TBC1D7: variants seen among roughly 807,000 people sequenced by gnomAD.
TBC1D7 encodes the protein TBC1 domain family member 7, also known as TBC domain family 7.
A neutral mutation model predicts 35.3 loss-of-function variants in TBC1D7; 33 were observed. The observed-to-expected ratio is 0.93, with a 90% CI of 0.71 to 1.25. TBC1D7 has a LOEUF of 1.25. TBC1D7 is among the 50% of genes most tolerant of loss of function. The pLI is 0.00. For synonymous variants in TBC1D7, 135 were observed against 129.5 expected (o/e 1.04, Z -0.29); for missense variants, 362 against 365.3 (o/e 0.99, Z 0.07).
chr6:13,312,416 G>A (rs957045856), intron 5 of TBC1D7, among the ~76,000 whole-genome samples: 2 of 152,152 alleles, frequency 1.3e-5, no homozygotes, highest in South Asian at 2.1e-4. Flanking sequence ...GCCAGGCGTG[G>A]TGGCTCACAC....
intron 3 of TBC1D7, among the ~76,000 whole-genome samples, chr6:13,321,708 C>G (rs1415363771): frequency 6.6e-6 from 1 of 152,188 alleles, no homozygotes; most frequent in African/African-American, 2.4e-5. Flanking sequence ...GGAAAGACCA[C>G]TAGACAGACC....
At position 13,325,043 on chromosome 6, in the gene TBC1D7, C is replaced by T. The variant is rs1218006252; in HGVS notation, c.193+51G>A. On this transcript the variant is annotated intron_variant, in intron 3 of 7. Transcript: ENST00000379300. ...CTGACTGATAAGATAGCAAATGATC[C>T]CTTCATTCAATATTTTTTAAGATAA... 3 of 1,337,108 alleles carry T rather than the reference C, an allele frequency of 2.2e-6. No homozygotes were observed. The Admixed American group carries it at 5.8e-5, about 26-fold the overall frequency. The allele number at this position is 1,337,108 out of a possible 1,614,324, so 82.8% of individuals were successfully genotyped here. A position where few individuals can be genotyped will look rare whatever the true frequency, so the allele number is the denominator to read the frequency against.
intron 5 of TBC1D7, among the ~76,000 whole-genome samples, chr6:13,309,083 T>C (rs113061686): frequency 0.019 from 2,961 of 152,342 alleles, 97 homozygotes; most frequent in African/African-American, 0.067. Flanking sequence ...TTCTTCCTGT[T>C]TATCCAACCT....
intron 4 of TBC1D7, 58 bp downstream of exon 4, chr6:13,320,850 C>A (rs1562169928): frequency 1.3e-6 from 2 of 1,554,606 alleles, no homozygotes; most frequent in African/African-American, 1.4e-5. Flanking sequence ...TAATCAAAGG[C>A]CGGCAAGATG....
intron 2 of TBC1D7, 27 bp from the exon 3 acceptor site, chr6:13,325,201 G>C: frequency 6.5e-7 from 1 of 1,537,950 alleles, no homozygotes; most frequent in South Asian, 1.1e-5. Context: ...ACAATTGTTA[G>C]AAGCTTTTCA....
rs374292563 is a variant in TBC1D7 at position 13,316,055 on chromosome 6, G to A, written c.519+516C>T. On this transcript the variant is annotated intron_variant, in intron 5 of 7. Transcript: ENST00000379300. ...GGTCCAAGAGCAACCTTGTGAGCAC[G>A]AGAGGAAAGATCATTCCTATGAATA... Among the ~76,000 whole-genome samples the A allele has an allele frequency of 5.9e-5, 9 of 152,350 alleles. No individual in the cohort carries two copies. The East Asian group carries it at 1.3e-3, about 23-fold the overall frequency.
chr6:13,312,513 T>C (rs1232881687), intron 5 of TBC1D7, among the ~76,000 whole-genome samples: 1 of 151,498 alleles, frequency 6.6e-6, no homozygotes, highest in Non-Finnish European at 1.5e-5. Context: ...AATGGCGAAA[T>C]CCCGTCTCTA....
At chr6:13,313,254 A>G (rs186556070) in intron 5 of TBC1D7, among the ~76,000 whole-genome samples, 74 of 152,334 alleles carry the variant, frequency 4.9e-4, no homozygotes, top group African/African-American at 1.7e-3. Context: ...AAAAAAAGTC[A>G]ACAAAACAAT....
Position 13,320,912 on chromosome 6 carries a change from G to A in TBC1D7, c.377C>T (p.Pro126Leu). 6.2e-7 allele frequency: 1 copy of A among 1,613,990 alleles called. No individual in the cohort carries two copies. Among genetic ancestry groups the A allele is most frequent in the South Asian group, 1.1e-5 (1 of 91,080 alleles). The stretch of plus-strand genomic sequence containing the variant: ...CAGACAAAAGTGACCACTAACCAGT[G>A]GAAAAGAGGGACTTCGAGGTAACTT... ...SGKLPRSPSF[P>L]LEPDDEVFLA... Residue 126 changes from proline (P) to leucine (L), a missense_variant, in exon 4 of 8, where the codon CCA becomes CTA. Transcript: ENST00000379300.
intron 2 of TBC1D7, among the ~76,000 whole-genome samples, chr6:13,325,480 T>C (rs1784343142): frequency 6.6e-6 from 1 of 152,118 alleles, no homozygotes; most frequent in Admixed American, 6.5e-5. Context: ...CTGGCCAACA[T>C]GGCAAAACAC....
chr6:13,316,640 G>A lies in TBC1D7; in HGVS notation c.450C>T (p.Asp150=). 6.2e-7 allele frequency: 1 copy of A among 1,613,908 alleles called. No homozygotes were observed. Reference sequence around the variant, plus strand: ...CAAAGCGTCGGGTGATCCAGTAACAGTCGACACTATCTTCCACCATTTCCT... The same window carrying A: ...CAAAGCGTCGGGTGATCCAGTAACAATCGACACTATCTTCCACCATTTCCT... ...AMEEMVEDSV[D]CYWITRRFVN... Residue 150 remains aspartate (D), a synonymous_variant, in exon 5 of 8, where the codon GAC becomes GAT. Transcript: ENST00000379300.
Position 13,316,704 on chromosome 6 carries a change from G to A in TBC1D7, c.386C>T (p.Pro129Leu), listed in dbSNP as rs1314030821. The change falls in exon 5 of 8, where the codon CCA (proline) becomes CTA (leucine). Residue 129 changes from proline to leucine, a missense_variant. Coordinates refer to ENST00000379300, the MANE Select transcript of TBC1D7 (RefSeq NM_016495.6). ...LPRSPSFPLE[P>L]DDEVFLAIAK... Reference sequence around the variant, plus strand: ...TATGGCAAGAAACACTTCATCATCTGGCTCCTGAAAGATTAATAATAAATC... The same window carrying A: ...TATGGCAAGAAACACTTCATCATCTAGCTCCTGAAAGATTAATAATAAATC... 6.2e-7 allele frequency: 1 copy of A among 1,613,608 alleles called. No individual in the cohort carries two copies. Among genetic ancestry groups the A allele is most frequent in the Non-Finnish European group, 8.5e-7 (1 of 1,179,824 alleles).
At chr6:13,319,685 A>G (rs1243084051) in intron 4 of TBC1D7, 3 of 152,160 alleles carry the variant, frequency 2.0e-5, no homozygotes, top group Non-Finnish European at 4.4e-5. Context: ...ATTTGAGGAC[A>G]CTGGGTGAAG....
intron 5 of TBC1D7, among the ~76,000 whole-genome samples, chr6:13,310,786 G>A (rs1364309223): frequency 6.6e-6 from 1 of 152,096 alleles, no homozygotes; most frequent in Non-Finnish European, 1.5e-5. Flanking sequence ...GGAAGAATGT[G>A]TACTGTATGC....
chr6:13,314,736 T>C (rs1193506059), intron 5 of TBC1D7, among the ~76,000 whole-genome samples: 9 of 152,218 alleles, frequency 5.9e-5, no homozygotes, highest in African/African-American at 2.2e-4. Flanking sequence ...TTAACTGCAG[T>C]GATCCTCAAT....
chr6:13,312,693 GA>G (rs34967695), intron 5 of TBC1D7, among the ~76,000 whole-genome samples: 85 of 102,532 alleles, frequency 8.3e-4, no homozygotes, highest in South Asian at 2.9e-3. Flanking sequence ...CTCCATCTCA[GA>G]AAAAAAAAAA....
chr6:13,324,804 G>A (rs1378668823), intron 3 of TBC1D7, among the ~76,000 whole-genome samples: 1 of 152,180 alleles, frequency 6.6e-6, no homozygotes, highest in Non-Finnish European at 1.5e-5. Flanking sequence ...GAGTCCCAGA[G>A]GGGTCGCCTT....
At chr6:13,327,757 A>T (rs1372202940) in intron 1 of TBC1D7, 1 of 152,232 alleles carries the variant, frequency 6.6e-6, no homozygotes, top group Non-Finnish European at 1.5e-5. Flanking sequence ...CATCCAAAAA[A>T]AGACCAAGTT....
chr6:13,327,674 CT>C (rs1584582762), intron 1 of TBC1D7: 1 of 152,190 alleles, frequency 6.6e-6, no homozygotes, highest in African/African-American at 2.4e-5. Flanking sequence ...GATTTAAAAT[CT>C]ACCGCAAGAA....
Sources: gnomAD v4.1 joint callset for allele counts (sites outside exome capture counted in the v4.1 genomes callset) on GRCh38, gnomAD v4.1.1 for gene constraint, MANE v1.5 for transcripts, NCBI Gene and HGNC (gene_info 2026-07-23, HGNC 2026-07-21) for gene names.